Variants in ASH1L observed in about 807,000 individuals in gnomAD.
ASH1L encodes the protein ASH1 like histone lysine methyltransferase, also known as histone-lysine N-methyltransferase ASH1L.
ASH1L carries 23 observed loss-of-function variants against 269.0 expected under a neutral mutation model. The ratio of observed to expected loss-of-function variants is 0.09; its 90% confidence interval spans 0.06 to 0.12. The LOEUF is 0.12. Ranked by LOEUF, ASH1L falls within the 10% of genes least tolerant of loss-of-function variation. The pLI is 1.00. For missense variants in ASH1L, 2,912 were observed against 3,567.8 expected, an observed-to-expected ratio of 0.82 and a Z score of 4.68; for synonymous variants, 1,187 against 1,253.5, an observed-to-expected ratio of 0.95 and a Z score of 1.12.
rs578147198 is a variant in ASH1L at position 155,512,419 on chromosome 1, A to T, written c.420+8681T>A. On this transcript the variant is annotated intron_variant, in intron 2 of 27. Transcript: ENST00000392403. ...GTGACAGAGTGAGACTCTGTCTTTT[A>T]AAAAAAAAGAAAGGCAAAGGATCTT... Among the ~76,000 whole-genome samples, 4 of 149,292 alleles carry T rather than the reference A, an allele frequency of 2.7e-5. No homozygotes were observed. The East Asian group carries it at 8.2e-4, about 31-fold the overall frequency.
In ASH1L at chr1:155,343,390, C is replaced by A. The variant is rs1472690851; in HGVS notation, c.8217G>T (p.Val2739=). The change falls in exon 24 of 28, where the codon GTG becomes GTT. Residue 2739 remains valine, a synonymous_variant. Coordinates refer to ENST00000392403, the MANE Select transcript of ASH1L (RefSeq NM_018489.3). This position sits in a 1 kb window ranked among gnomAD's most constrained non-coding sequence, Gnocchi z 6.1. ...CCAAGGGAATGATCTCATAGAGTGG[C>A]ACCCGAAATAGTTCATTATGATAGA... The part of the protein sequence containing the change: ...RRFYHNELFR[V]PLYEIIPLEA... 1.2e-6 allele frequency: 2 copies of A among 1,614,182 alleles called. No homozygotes were observed. Among genetic ancestry groups the A allele is most frequent in the South Asian group, 1.1e-5 (1 of 91,084 alleles).
chr1:155,472,824 T>C (rs569384286), intron 3 of ASH1L, among the ~76,000 whole-genome samples: 3 of 152,324 alleles, frequency 2.0e-5, no homozygotes, highest in East Asian at 3.9e-4. Flanking sequence ...TTTTAAAAAG[T>C]GTAGAGATCA....
chr1:155,461,474 TTTA>T (rs1207320100), intron 3 of ASH1L, among the ~76,000 whole-genome samples: 1 of 152,132 alleles, frequency 6.6e-6, no homozygotes. Context: ...AGCAAGATTG[TTTA>T]TTGTTGAATC....
At chr1:155,535,112 C>T (rs1042288357) in intron 1 of ASH1L, among the ~76,000 whole-genome samples, 3 of 151,494 alleles carry the variant, frequency 2.0e-5, no homozygotes, top group Admixed American at 2.0e-4. Context: ...TCGCTTGAAC[C>T]CAGAAGGCAG....
chr1:155,561,805 G>C (rs2148936223), intron 1 of ASH1L, among the ~76,000 whole-genome samples: 2 of 150,640 alleles, frequency 1.3e-5, no homozygotes, highest in Middle Eastern at 6.9e-3. Flanking sequence ...TCGTGTCCTC[G>C]ACCACTCTTA....
chr1:155,562,818 C>T (rs1297265451), upstream of ASH1L: 1 of 580,580 alleles, frequency 1.7e-6, no homozygotes, highest in East Asian at 4.2e-5. Context: ...TCCTCCTCCT[C>T]CACCTCCTCT....
At chr1:155,430,919 T>C (rs1173431331) in intron 5 of ASH1L, among the ~76,000 whole-genome samples, 1 of 152,008 alleles carries the variant, frequency 6.6e-6, no homozygotes, top group African/African-American at 2.4e-5. Context: ...AGCAAGCTCT[T>C]AACAATTTTT....
rs764471849 is a variant in ASH1L at position 155,481,565 on chromosome 1, C to T, written c.1305G>A (p.Pro435=). 8.7e-6 allele frequency: 14 copies of T among 1,613,996 alleles called. No individual in the cohort carries two copies. Among genetic ancestry groups the T allele is most frequent in the East Asian group, 6.7e-5 (3 of 44,902 alleles). ...KAEALLPTQE[P]LKASCSTNIN... ...TGTTTGTACTACAAGAAGCCTTAAGCGGTTCCTGAGTGGGGAGCAGTGCTT... is the reference window on the plus strand; with the variant it reads ...TGTTTGTACTACAAGAAGCCTTAAGTGGTTCCTGAGTGGGGAGCAGTGCTT... Residue 435 remains proline, a synonymous_variant, in exon 3 of 28, where the codon CCG becomes CCA. Transcript: ENST00000392403.
intron 3 of ASH1L, among the ~76,000 whole-genome samples, chr1:155,465,289 C>CAAAAAAAAAAAAAAAAAAAAA (rs1171228344): frequency 3.2e-5 from 2 of 62,574 alleles, no homozygotes; most frequent in Non-Finnish European, 3.1e-5. Flanking sequence ...TACAAATTAG[C>CAAAAAAAAAAAAAAAAAAAAA]AAAAAAAAAA....
intron 1 of ASH1L, among the ~76,000 whole-genome samples, chr1:155,553,897 A>G (rs1671391753): frequency 6.6e-6 from 1 of 151,904 alleles, no homozygotes; most frequent in South Asian, 2.1e-4. Context: ...CCCAGGTTCA[A>G]GCAATTCTAC....
chr1:155,455,958 C>T (rs1403587920), intron 4 of ASH1L, among the ~76,000 whole-genome samples: 1 of 152,106 alleles, frequency 6.6e-6, no homozygotes, highest in Non-Finnish European at 1.5e-5. Context: ...TGTTAAGTGT[C>T]ACCTTTTGGG....
intron 17 of ASH1L, among the ~76,000 whole-genome samples, chr1:155,350,473 GAGA>G (rs1653798681): frequency 6.6e-6 from 1 of 152,210 alleles, no homozygotes; most frequent in African/African-American, 2.4e-5. Context: ...GTTGGGTAAT[GAGA>G]AGAACTTCCT....
chr1:155,356,642 CAAAA>C (rs1277769920), intron 15 of ASH1L, among the ~76,000 whole-genome samples: 3 of 67,564 alleles, frequency 4.4e-5, no homozygotes, highest in South Asian at 5.0e-4. Flanking sequence ...GACTCCGTCT[CAAAA>C]AAAAAAAAAA....
intron 4 of ASH1L, among the ~76,000 whole-genome samples, chr1:155,458,417 T>C (rs910334862): frequency 6.6e-6 from 1 of 152,194 alleles, no homozygotes; most frequent in African/African-American, 2.4e-5. Flanking sequence ...CAGCCTCATA[T>C]TAAAAAACCA....
At chr1:155,386,349 T>C (rs1657426600) in intron 7 of ASH1L, among the ~76,000 whole-genome samples, 1 of 151,888 alleles carries the variant, frequency 6.6e-6, no homozygotes, top group Admixed American at 6.6e-5. Context: ...TTTACAGATG[T>C]GAGCCACTGC....
intron 1 of ASH1L, among the ~76,000 whole-genome samples, chr1:155,523,988 G>A (rs1168553288): frequency 1.3e-5 from 2 of 152,128 alleles, no homozygotes; most frequent in African/African-American, 4.8e-5. Context: ...ATAAACAGCT[G>A]GAAAACTAAT....
chr1:155,404,942 C>T (rs971213922), intron 6 of ASH1L, among the ~76,000 whole-genome samples: 3 of 151,740 alleles, frequency 2.0e-5, no homozygotes, highest in Non-Finnish European at 2.9e-5. Context: ...GCAGGAGAAT[C>T]GCTTGAACCT....
intron 2 of ASH1L, among the ~76,000 whole-genome samples, chr1:155,515,853 A>C (rs1668467492): frequency 6.6e-6 from 1 of 151,514 alleles, no homozygotes; most frequent in Non-Finnish European, 1.5e-5. Context: ...AAAAAAAAAA[A>C]AATGCATGGC....
Position 155,349,373 on chromosome 1 carries a change from A to T in ASH1L, c.7508T>A (p.Val2503Glu). The change falls in exon 19 of 28, where the codon GTG becomes GAG. Residue 2503 changes from valine (V) to glutamate (E), a missense_variant. Physicochemically the swap from Val to Glu is moderately radical, Grantham distance 121 (BLOSUM62 -2). Coordinates refer to ENST00000392403, the MANE Select transcript of ASH1L (RefSeq NM_018489.3). ...KQILTGYYKT[V>E]EAFDADMLKV... is the part of the protein sequence containing the mutation. ...GAGCATGTCAGCATCAAAAGCTTCC[A>T]CTGTCTTATAGTAACCAGTGAGGAT... The T allele has an allele frequency of 6.2e-7, 1 of 1,613,566 alleles. No homozygotes were observed. Among genetic ancestry groups the T allele is most frequent in the South Asian group, 1.1e-5 (1 of 90,968 alleles).
Sources: allele counts gnomAD v4.1 joint callset (sites outside exome capture counted in the v4.1 genomes callset), GRCh38; gene constraint gnomAD v4.1.1; non-coding constraint Gnocchi (gnomAD v3.1); transcripts MANE v1.5; gene names NCBI Gene and HGNC (gene_info 2026-07-23, HGNC 2026-07-21).